The following SEL1L variants were observed in gnomAD, a reference collection of about 807,000 sequenced individuals.
SEL1L encodes the protein SEL1L adaptor subunit of SYVN1 ubiquitin ligase.
A neutral mutation model predicts 109.8 loss-of-function variants in SEL1L; 52 were observed. The ratio of observed to expected loss-of-function variants is 0.47; its 90% CI spans 0.38 to 0.60. The LOEUF (loss-of-function observed/expected upper bound fraction) is 0.60, where lower values mean the gene tolerates loss of function less well. Ranked by LOEUF, SEL1L falls within the 20% of genes least tolerant of loss-of-function variation. The probability of loss-of-function intolerance (pLI) is 0.00; values close to 1 mark genes in which losing one functional copy is unlikely to be tolerated. For missense variants in SEL1L, 749 were observed against 962.2 expected (o/e 0.78, Z 2.93); for synonymous variants, 373 against 339.6 (o/e 1.10, Z -1.08).
At chr14:81,499,705 G>T (rs1230706209) in intron 6 of SEL1L, 43 bp from the exon 7 acceptor site, 2 of 1,515,676 alleles carry the variant, frequency 1.3e-6, no homozygotes, top group Admixed American at 1.9e-5. Context: ...TTTGGTGAAG[G>T]TTTATCCAAG....
chr14:81,503,720 T>C (rs984689629), intron 5 of SEL1L, among the ~76,000 whole-genome samples: 4 of 152,212 alleles, frequency 2.6e-5, no homozygotes, highest in Non-Finnish European at 4.4e-5. Context: ...TAATAATAAC[T>C]GTTGCAATTT....
Position 81,502,847 on chromosome 14 carries a change from G to A in SEL1L, c.651C>T (p.Asn217=). The A allele has an allele frequency of 6.2e-7, 1 of 1,613,886 alleles. No homozygotes were observed. Among genetic ancestry groups the A allele is most frequent in the East Asian group, 2.2e-5 (1 of 44,876 alleles). The change falls in exon 6 of 21, where the codon AAC becomes AAT. Residue 217 remains asparagine (N), a synonymous_variant. Transcript: ENST00000336735. ...YRYLQKAASM[N]HTKALERVSY... The stretch of plus-strand genomic sequence containing the variant: ...ACACTCTCTCCAGGGCTTTGGTATG[G>A]TTCATGCTTGCTGCCTTTTGGAGAT...
chr14:81,475,889 G>A lies in SEL1L; in HGVS notation c.*1083C>T, dbSNP rs929469855. On this transcript the variant is annotated 3_prime_UTR_variant, in exon 21 of 21. Coordinates refer to ENST00000336735, the MANE Select transcript of SEL1L (RefSeq NM_005065.6). Reference sequence around the variant, plus strand: ...TATAGAACAGTACAAACAGGTTTTGGCTTTCATCAACCACTGAGTTTAATC... The same window carrying A: ...TATAGAACAGTACAAACAGGTTTTGACTTTCATCAACCACTGAGTTTAATC... 1.3e-5 allele frequency: 2 copies of A among 152,106 alleles called. No individual in the cohort carries two copies. The highest frequency in any genetic ancestry group is 4.8e-5 in the African/African-American group (2 of 41,400). 9.4% of individuals were successfully genotyped at this position (152,106 alleles called of 1,614,324 possible). A position where few individuals can be genotyped will look rare whatever the true frequency, so the allele number is the denominator to read the frequency against.
intron 1 of SEL1L, 75 bp downstream of exon 1, chr14:81,533,600 C>A (rs529352543): frequency 6.9e-7 from 1 of 1,439,356 alleles, no homozygotes; most frequent in South Asian, 1.2e-5. Flanking sequence ...AGCCTGGAGT[C>A]CCCACGGCCC....
Position 81,474,311 on chromosome 14 carries a change from C to T in SEL1L, c.*2661G>A, listed in dbSNP as rs2139971761. 1 of 150,136 alleles carries T rather than the reference C, an allele frequency of 6.7e-6. No homozygotes were observed. The highest frequency in any genetic ancestry group is 2.1e-4 in the South Asian group (1 of 4,764). 9.3% of individuals were successfully genotyped at this position (150,136 alleles called of 1,614,324 possible). A position where few individuals can be genotyped will look rare whatever the true frequency, so the allele number is the denominator to read the frequency against. ...AAACTAGAAGCAAAATGAATAGTTT[C>T]AAGACAGTCGGCTAACCAACAAACC... On this transcript the variant is annotated 3_prime_UTR_variant, in exon 21 of 21. Coordinates refer to ENST00000336735, the MANE Select transcript of SEL1L (RefSeq NM_005065.6).
chr14:81,497,702 A>G (rs1028297426), intron 10 of SEL1L, among the ~76,000 whole-genome samples, 190 bp downstream of exon 10: 9 of 151,794 alleles, frequency 5.9e-5, no homozygotes, highest in Non-Finnish European at 1.0e-4. Context: ...CACTAACCCA[A>G]ATGGAATCTC....
intron 15 of SEL1L, 21 bp downstream of exon 15, chr14:81,487,834 A>G: frequency 6.2e-7 from 1 of 1,612,334 alleles, no homozygotes; most frequent in South Asian, 1.1e-5. Context: ...TGTATCCATC[A>G]TTAATTCCAG....
At chr14:81,528,148 T>C (rs998519940) in intron 1 of SEL1L, among the ~76,000 whole-genome samples, 1 of 152,210 alleles carries the variant, frequency 6.6e-6, no homozygotes, top group Non-Finnish European at 1.5e-5. Flanking sequence ...GTTTGTCTGC[T>C]CAGGATCTTG....
Position 81,472,396 on chromosome 14 carries a change from C to T in SEL1L, c.*4576G>A. 4.2e-6 allele frequency: 1 copy of T among 238,694 alleles called. No homozygotes were observed. Among genetic ancestry groups the T allele is most frequent in the Non-Finnish European group, 8.4e-6 (1 of 119,042 alleles). 14.8% of individuals were successfully genotyped at this position (238,694 alleles called of 1,614,324 possible). A position where few individuals can be genotyped will look rare whatever the true frequency, so the allele number is the denominator to read the frequency against. On this transcript the variant is annotated 3_prime_UTR_variant, in exon 21 of 21. Coordinates refer to ENST00000336735, the MANE Select transcript of SEL1L (RefSeq NM_005065.6). ...ATGCTTCTGAGCTGGAACATTTTAC[C>T]TCAGTTACCTCTTTGAGTTGCCTGC... is the stretch of plus-strand genomic sequence containing the variant.
Position 81,472,668 on chromosome 14 carries a change from G to A in SEL1L, c.*4304C>T. On this transcript the variant is annotated 3_prime_UTR_variant, in exon 21 of 21. Coordinates refer to ENST00000336735, the MANE Select transcript of SEL1L (RefSeq NM_005065.6). Reference sequence around the variant, plus strand: ...ATCACGCTTACTACATATCAAGGCTGCTTCAAGACAAAGATATCAGAGATT... The same window carrying A: ...ATCACGCTTACTACATATCAAGGCTACTTCAAGACAAAGATATCAGAGATT... 2 of 393,260 alleles carry A rather than the reference G, an allele frequency of 5.1e-6. No individual in the cohort carries two copies. The highest frequency in any genetic ancestry group is 1.9e-5 in the South Asian group (1 of 52,678). 24.4% of individuals were successfully genotyped at this position (393,260 alleles called of 1,614,324 possible). A position where few individuals can be genotyped will look rare whatever the true frequency, so the allele number is the denominator to read the frequency against.
intron 16 of SEL1L, 42 bp from the exon 17 acceptor site, chr14:81,486,496 A>C: frequency 6.3e-7 from 1 of 1,595,576 alleles, no homozygotes; most frequent in Non-Finnish European, 8.6e-7. Context: ...GAAGAAAATA[A>C]GAAAGATATA....
In SEL1L at chr14:81,526,830, G is replaced by A; in HGVS notation, c.243C>T (p.Ser81=). The A allele has an allele frequency of 3.1e-6, 5 of 1,604,014 alleles. No individual in the cohort carries two copies. The highest frequency in any genetic ancestry group is 4.2e-6 in the Non-Finnish European group (5 of 1,176,788). The change falls in exon 3 of 21, where the codon AGC becomes AGT. Residue 81 remains serine (S), a synonymous_variant. Coordinates refer to ENST00000336735, the MANE Select transcript of SEL1L (RefSeq NM_005065.6). ...CTTCTGTGACACTTTCCCCCTCTTG[G>A]CTCTTGAGGCTGTCTTCCTCTTCTT... ...SIQEEEDSLK[S]QEGESVTEDI...
chr14:81,486,640 C>T (rs1159700117), intron 16 of SEL1L, among the ~76,000 whole-genome samples, 186 bp from the exon 17 acceptor site: 1 of 146,812 alleles, frequency 6.8e-6, no homozygotes, highest in Non-Finnish European at 1.5e-5. Flanking sequence ...TAGAAGTCAA[C>T]AGGTTTATAA....
intron 3 of SEL1L, 145 bp from the exon 4 acceptor site, chr14:81,506,386 T>C: frequency 1.4e-6 from 1 of 695,040 alleles, no homozygotes; most frequent in East Asian, 2.9e-5. Flanking sequence ...GGGCTAGCAA[T>C]GATTTTGATT....
At chr14:81,487,241 C>T (rs1465194947) in intron 16 of SEL1L, 149 bp downstream of exon 16, 2 of 627,790 alleles carry the variant, frequency 3.2e-6, no homozygotes, top group African/African-American at 1.9e-5. Context: ...TACACACAGA[C>T]CCCTCGGTCT....
At chr14:81,492,570 A>C (rs1285093111) in intron 11 of SEL1L, 22 bp from the exon 12 acceptor site, 1 of 1,509,694 alleles carries the variant, frequency 6.6e-7, no homozygotes, top group South Asian at 1.2e-5. Flanking sequence ...GAATTTATTA[A>C]AATAATTAGT....
chr14:81,499,721 CACAG>C, intron 6 of SEL1L, 59 bp from the exon 7 acceptor site: 1 of 1,317,864 alleles, frequency 7.6e-7, no homozygotes, highest in South Asian at 1.3e-5. Context: ...CCAAGACAGA[CACAG>C]ACAGACACAG....
rs773298755 is a variant in SEL1L at position 81,499,461 on chromosome 14, A to G, written c.889T>C (p.Leu297=). Residue 297 remains leucine (L), a splice_region_variant and synonymous_variant, in exon 8 of 21, where the codon TTG becomes CTG. Coordinates refer to ENST00000336735, the MANE Select transcript of SEL1L (RefSeq NM_005065.6). ...GCCTTCCACTAAAGTCTACTTACCA[A>G]AACCATGTGGGCTATTAGATTGCCC... ...LGGNLIAHMV[L]GYRYWAGIGV... The G allele has an allele frequency of 6.2e-7, 1 of 1,610,642 alleles. No homozygotes were observed. The highest frequency in any genetic ancestry group is 2.2e-5 in the East Asian group (1 of 44,768).
intron 19 of SEL1L, among the ~76,000 whole-genome samples, chr14:81,481,062 T>G (rs1435798688): frequency 6.6e-6 from 1 of 152,132 alleles, no homozygotes; most frequent in Admixed American, 6.5e-5. Context: ...TGGAGAAGGC[T>G]CCTTTATTGA....
Sources: gnomAD v4.1 joint callset for allele counts (sites outside exome capture counted in the v4.1 genomes callset) on GRCh38, gnomAD v4.1.1 for gene constraint, MANE v1.5 for transcripts, NCBI Gene and HGNC (gene_info 2026-07-23, HGNC 2026-07-21) for gene names.